NECTIN3: variants seen among roughly 807,000 people sequenced by gnomAD.
NECTIN3 encodes the protein nectin-3.
Under a neutral mutation model 49.4 loss-of-function variants are expected in NECTIN3, and 8 were observed. That is an observed-to-expected ratio of 0.16 (90% CI 0.10 to 0.29). The LOEUF (loss-of-function observed/expected upper bound fraction) is 0.29. Ranked by LOEUF, NECTIN3 falls within the 10% of genes least tolerant of loss-of-function variation. The pLI is 1.00. For missense variants in NECTIN3, 581 were observed against 654.6 expected (o/e 0.89, Z 1.23); for synonymous variants, 277 against 241.1 (o/e 1.15, Z -1.38).
intron 6 of NECTIN3, among the ~76,000 whole-genome samples, chr3:111,146,433 CAA>C (rs530786189): frequency 5.0e-4 from 29 of 58,326 alleles, no homozygotes; most frequent in African/African-American, 1.2e-3. Context: ...GACTCCGTCT[CAA>C]AAAAAAAAAA....
intron 6 of NECTIN3, among the ~76,000 whole-genome samples, chr3:111,145,992 T>C (rs901268468): frequency 6.6e-6 from 1 of 152,144 alleles, no homozygotes; most frequent in Non-Finnish European, 1.5e-5. Context: ...ATGAGCCTCA[T>C]TTTTTTCACC....
intron 7 of NECTIN3, among the ~76,000 whole-genome samples, chr3:111,162,071 C>G (rs940838089): frequency 2.0e-5 from 3 of 151,990 alleles, no homozygotes; most frequent in Non-Finnish European, 2.9e-5. Flanking sequence ...CCTTAGGATC[C>G]CTTTCCTTGT....
chr3:111,188,024 C>T (rs1196799983), upstream of NECTIN3, among the ~76,000 whole-genome samples: 1 of 152,114 alleles, frequency 6.6e-6, no homozygotes, highest in Non-Finnish European at 1.5e-5. Flanking sequence ...GAGGTTGTGG[C>T]ATGGGGGCAG....
intron 7 of NECTIN3, among the ~76,000 whole-genome samples, chr3:111,168,999 T>C (rs1352809091): frequency 1.3e-5 from 2 of 151,654 alleles, no homozygotes; most frequent in Non-Finnish European, 2.9e-5. Flanking sequence ...AGAAAACATA[T>C]ACTTTTCTTT....
chr3:111,141,437 ATTAT>A (rs913751526), downstream of NECTIN3, among the ~76,000 whole-genome samples: 9 of 151,914 alleles, frequency 5.9e-5, no homozygotes, highest in Non-Finnish European at 1.0e-4. Context: ...TACTTTAAAA[ATTAT>A]TTGTTTTTGA....
At chr3:111,159,013 G>A (rs1436943677) in intron 7 of NECTIN3, among the ~76,000 whole-genome samples, 1 of 152,096 alleles carries the variant, frequency 6.6e-6, no homozygotes, top group Non-Finnish European at 1.5e-5. Flanking sequence ...GTAAATACAA[G>A]TTAAACCACA....
chr3:111,188,910 T>C (rs938309049), upstream of NECTIN3, among the ~76,000 whole-genome samples: 4 of 152,324 alleles, frequency 2.6e-5, no homozygotes, highest in Admixed American at 6.5e-5. Flanking sequence ...AAATCTTCCC[T>C]TGAACTCTTG....
At chr3:111,169,849 A>G (rs1334366921) in intron 7 of NECTIN3, among the ~76,000 whole-genome samples, 1 of 152,234 alleles carries the variant, frequency 6.6e-6, no homozygotes, top group Non-Finnish European at 1.5e-5. Flanking sequence ...CATAGATTTT[A>G]ATTTTGATGG....
In NECTIN3 at chr3:111,186,054, A is replaced by C. The variant is rs143136647; in HGVS notation, c.1222-6297A>C. Among the ~76,000 whole-genome samples, 269 of 152,140 alleles carry C rather than the reference A, an allele frequency of 1.8e-3. 2 individuals carry two copies. Among genetic ancestry groups the C allele is most frequent in the African/African-American group, 6.1e-3 (253 of 41,490 alleles). ...TTCATTATTTATACGTTCTTCATAT[A>C]CTCTGTACTCCATAAAAAAAACAGT... On this transcript the variant is annotated intron_variant, in intron 7 of 8. Coordinates refer to the NECTIN3 transcript ENST00000493615.
At chr3:111,072,494 A>AT (rs1361156513) in intron 1 of NECTIN3, 1 of 1,535,770 alleles carries the variant, frequency 6.5e-7, no homozygotes, top group Non-Finnish European at 8.7e-7. Flanking sequence ...TTCCTCGCTC[A>AT]TTCTCTGGGA....
intron 7 of NECTIN3, among the ~76,000 whole-genome samples, chr3:111,165,204 C>T (rs2035294672): frequency 6.6e-6 from 1 of 151,968 alleles, no homozygotes; most frequent in Non-Finnish European, 1.5e-5. Flanking sequence ...CCACCATGCC[C>T]AGCTAATTTT....
chr3:111,105,917 A>G (rs1431632359), intron 1 of NECTIN3, among the ~76,000 whole-genome samples: 1 of 151,726 alleles, frequency 6.6e-6, no homozygotes, highest in African/African-American at 2.4e-5. Flanking sequence ...TTCTGTTTCA[A>G]ATCAAGCTTT....
chr3:111,082,169 A>G (rs1043763802), intron 1 of NECTIN3, among the ~76,000 whole-genome samples: 1 of 152,184 alleles, frequency 6.6e-6, no homozygotes, highest in Non-Finnish European at 1.5e-5. Context: ...TGGAATAACT[A>G]GGAAAGGATG....
At chr3:111,124,703 A>G (rs1045061231) in intron 4 of NECTIN3, among the ~76,000 whole-genome samples, 1 of 152,162 alleles carries the variant, frequency 6.6e-6, no homozygotes, top group Non-Finnish European at 1.5e-5. Context: ...ACCACTCACT[A>G]CACTTGAGAT....
intron 5 of NECTIN3, among the ~76,000 whole-genome samples, chr3:111,126,944 G>A (rs2034185203): frequency 6.6e-6 from 1 of 152,048 alleles, no homozygotes; most frequent in Admixed American, 6.6e-5. Flanking sequence ...ATTTGGCTGA[G>A]TATAAATTTT....
At chr3:111,092,132 G>A (rs185757455) in intron 1 of NECTIN3, among the ~76,000 whole-genome samples, 89 of 152,176 alleles carry the variant, frequency 5.8e-4, no homozygotes, top group African/African-American at 2.0e-3. Context: ...TGTTTCAATT[G>A]GGTTATTTAT....
At chr3:111,172,242 G>T (rs1350010557) in intron 7 of NECTIN3, among the ~76,000 whole-genome samples, 2 of 151,896 alleles carry the variant, frequency 1.3e-5, no homozygotes, top group Non-Finnish European at 2.9e-5. Context: ...CCTACTTCCA[G>T]CTCCACATAC....
intron 1 of NECTIN3, among the ~76,000 whole-genome samples, chr3:111,096,960 A>G (rs985350912): frequency 4.6e-5 from 7 of 152,172 alleles, no homozygotes; most frequent in Admixed American, 3.3e-4. Flanking sequence ...GATACCACCT[A>G]GTGGAGCTGT....
upstream of NECTIN3, among the ~76,000 whole-genome samples, chr3:111,191,875 A>G (rs933488110): frequency 1.3e-5 from 2 of 152,206 alleles, no homozygotes; most frequent in African/African-American, 4.8e-5. Flanking sequence ...TCTGTAGCCC[A>G]GGCTAGAGTA....
Sources: allele counts gnomAD v4.1 joint callset (sites outside exome capture counted in the v4.1 genomes callset), GRCh38; gene constraint gnomAD v4.1.1; transcripts MANE v1.5; gene names NCBI Gene and HGNC (gene_info 2026-07-23, HGNC 2026-07-21).